Variants in PRAMEF12 observed in about 807,000 individuals in gnomAD.
PRAMEF12 encodes the protein PRAME family member 12.
A neutral mutation model predicts 24.6 loss-of-function variants in PRAMEF12; 24 were observed. The ratio of observed to expected loss-of-function variants is 0.98; its 90% CI spans 0.71 to 1.37. The LOEUF is 1.37. PRAMEF12 is among the 40% of genes most tolerant of loss of function. The pLI is 0.00. For missense variants in PRAMEF12, 646 were observed against 580.3 expected, an observed-to-expected ratio of 1.11 and a Z score of -1.16; for synonymous variants, 286 against 242.6, an observed-to-expected ratio of 1.18 and a Z score of -1.66.
rs377321269 is a variant in PRAMEF12 at position 12,777,347 on chromosome 1, C to A, written c.1200C>A (p.Thr400=). 6.2e-7 allele frequency: 1 copy of A among 1,613,554 alleles called. No individual in the cohort carries two copies. The highest frequency in any genetic ancestry group is 2.2e-5 in the East Asian group (1 of 44,872). ...CCCTGGAGAACCTGCTGCGCCACAC[C>A]GTCGGGCTGAGCAAGCTAAGCCTGG... ...MAALENLLRH[T]VGLSKLSLEL... Residue 400 remains threonine, a synonymous_variant, in exon 3 of 3, where the codon ACC becomes ACA. Transcript: ENST00000357726.
rs1639030825 is a variant in PRAMEF12, at chr1:12,775,159, G to A, written c.287+5G>A. On this transcript the variant is annotated splice_donor_5th_base_variant and intron_variant, in intron 1 of 2. Transcript: ENST00000357726. ...TGCCCAGAAGGTTCGCCCCAGGTGA[G>A]GTGACCCAGCTAACCAGGTGGGGAG... 1 of 1,604,032 alleles carries A rather than the reference G, an allele frequency of 6.2e-7. No individual in the cohort carries two copies. The highest frequency in any genetic ancestry group is 1.3e-5 in the African/African-American group (1 of 74,770).
intron 1 of PRAMEF12, 70 bp downstream of exon 1, chr1:12,775,224 A>T (rs1039118999): frequency 3.3e-6 from 5 of 1,508,600 alleles, no homozygotes; most frequent in Non-Finnish European, 2.7e-6. Context: ...GGTCAGAAGG[A>T]GTGGGAGGCC....
In PRAMEF12 at chr1:12,775,712, T is replaced by G; in HGVS notation, c.457T>G (p.Phe153Val). The G allele has an allele frequency of 6.2e-7, 1 of 1,613,848 alleles. No individual in the cohort carries two copies. Among genetic ancestry groups the G allele is most frequent in the Middle Eastern group, 1.6e-4 (1 of 6,062 alleles). ...CTTGATGGTGATCCTAGACCTTTGC[T>G]TCAAGAATGGGACGCTGGATGAATG... ...QPLMVILDLC[F>V]KNGTLDECLT... Residue 153 changes from phenylalanine (F) to valine (V), a missense_variant, in exon 2 of 3, where the codon TTC becomes GTC. By Grantham distance (50) the Phe-to-Val change is conservative. Transcript: ENST00000357726.
In PRAMEF12 at chr1:12,777,054, C is replaced by T. The variant is rs370297707; in HGVS notation, c.907C>T (p.Leu303=). ...GGAGACAGTCGTAATGACCGAATGC[C>T]TGCTGTCAGAGTCGGACCTGAAGCA... ...PLETVVMTEC[L]LSESDLKHLS... Residue 303 remains leucine (L), a synonymous_variant, in exon 3 of 3, where the codon CTG becomes TTG. Transcript: ENST00000357726. 3 of 1,613,898 alleles carry T rather than the reference C, an allele frequency of 1.9e-6. No homozygotes were observed. The highest frequency in any genetic ancestry group is 2.2e-5 in the South Asian group (2 of 91,064).
Position 12,777,829 on chromosome 1 carries a change from G to A in PRAMEF12, c.*230G>A. ...AATTGCTAGAATGAGAATCAGGTAG[G>A]AGAGACACATGAGACAGTTACCCCT... On this transcript the variant is annotated 3_prime_UTR_variant, in exon 3 of 3. Coordinates refer to ENST00000357726, the MANE Select transcript of PRAMEF12 (RefSeq NM_001080830.5). 1 of 588,720 alleles carries A rather than the reference G, an allele frequency of 1.7e-6. No homozygotes were observed. Among genetic ancestry groups the A allele is most frequent in the South Asian group, 2.1e-5 (1 of 48,496 alleles). The allele number at this position is 588,720 out of a possible 1,614,324, so 36.5% of individuals were successfully genotyped here. A position where few individuals can be genotyped will look rare whatever the true frequency, so the allele number is the denominator to read the frequency against.
Position 12,775,051 on chromosome 1 carries a change from ACCTGCCTT to A in PRAMEF12, c.188_195del (p.Cys63SerfsTer9). 6.2e-7 allele frequency: 1 copy of A among 1,614,084 alleles called. No individual in the cohort carries two copies. The highest frequency in any genetic ancestry group is 8.5e-7 in the Non-Finnish European group (1 of 1,180,006). ...AACTATGGTGCAGGCCTGGCCCTTCACCTGCCTTCCTCTAGGGTCCCTGATGAAGTCAT... is the reference window on the plus strand; with the variant it reads ...AACTATGGTGCAGGCCTGGCCCTTCACCTCTAGGGTCCCTGATGAAGTCAT... On this transcript the variant is annotated frameshift_variant, in exon 1 of 3. Coordinates refer to ENST00000357726, the MANE Select transcript of PRAMEF12 (RefSeq NM_001080830.5). LOFTEE classifies it high-confidence loss of function.
Position 12,776,032 on chromosome 1 carries a change from C to T in PRAMEF12, c.777C>T (p.Thr259=), listed in dbSNP as rs1394890541. The change falls in exon 2 of 3, where the codon ACC becomes ACT. Residue 259 remains threonine, a synonymous_variant. Transcript: ENST00000357726. The part of the protein sequence containing the change: ...DRKEQFVIQF[T]SQFLKLDYFQ... ...AGGAGCAGTTTGTCATCCAGTTCAC[C>T]TCTCAGTTCCTCAAGCTGGACTACT... 1.9e-6 allele frequency: 3 copies of T among 1,614,166 alleles called. No individual in the cohort carries two copies. The highest frequency in any genetic ancestry group is 2.2e-5 in the South Asian group (2 of 91,076).
rs752981517 is a variant in PRAMEF12 at position 12,777,887 on chromosome 1, A to G, written c.*288A>G. ...TGGTTGTAAAGAAACAGTCAGAAAT[A>G]AAGGGAAGCTGAGTGGAAACTGTCT... On this transcript the variant is annotated 3_prime_UTR_variant, in exon 3 of 3. Transcript: ENST00000357726. 9.5e-6 allele frequency: 4 copies of G among 419,494 alleles called. No homozygotes were observed. Among genetic ancestry groups the G allele is most frequent in the Non-Finnish European group, 1.7e-5 (4 of 233,872 alleles). 26.0% of individuals were successfully genotyped at this position (419,494 alleles called of 1,614,324 possible).
rs766701617 is a variant in PRAMEF12, at chr1:12,777,643, T to C, written c.*44T>C. On this transcript the variant is annotated 3_prime_UTR_variant, in exon 3 of 3. Coordinates refer to ENST00000357726, the MANE Select transcript of PRAMEF12 (RefSeq NM_001080830.5). ...TGGCAACTGAATCCTAGGCCATGAG[T>C]GTATGTCAAAGGGAGCACAGACCCA... The C allele has an allele frequency of 5.6e-6, 9 of 1,605,482 alleles. No individual in the cohort carries two copies. The South Asian group carries it at 8.8e-5, about 16-fold the overall frequency.
chr1:12,775,782 T>C lies in PRAMEF12; in HGVS notation c.527T>C (p.Leu176Pro). 13 of 1,613,846 alleles carry C rather than the reference T, an allele frequency of 8.1e-6. No individual in the cohort carries two copies. Among genetic ancestry groups the C allele is most frequent in the Non-Finnish European group, 1.1e-5 (13 of 1,179,986 alleles). The change falls in exon 2 of 3, where the codon CTG (leucine) becomes CCG (proline). Residue 176 changes from leucine (L) to proline (P), a missense_variant. Physicochemically the swap from Leu to Pro is moderately conservative, Grantham distance 98 (BLOSUM62 -3). Coordinates refer to ENST00000357726, the MANE Select transcript of PRAMEF12 (RefSeq NM_001080830.5). ...LEWGKQRKGLLHVCCKELQIF... is the reference protein window; with the variant it reads ...LEWGKQRKGLPHVCCKELQIF... ...TGGGGCAAGCAGAGAAAAGGCTTACTGCACGTGTGTTGCAAGGAGCTGCAG... is the reference window on the plus strand; with the variant it reads ...TGGGGCAAGCAGAGAAAAGGCTTACCGCACGTGTGTTGCAAGGAGCTGCAG...
rs112669352 is a variant in PRAMEF12, at chr1:12,774,693, C to T, written c.-175C>T. ...CTCTCCTCATTGTTTGGAAGACATT[C>T]TTTATGGTACCAGCAAGGGCAGAAT... is the stretch of plus-strand genomic sequence containing the variant. On this transcript the variant is annotated 5_prime_UTR_variant, in exon 1 of 3. Transcript: ENST00000357726. 1 of 620,268 alleles carries T rather than the reference C, an allele frequency of 1.6e-6. No individual in the cohort carries two copies. The highest frequency in any genetic ancestry group is 4.4e-4 in the Middle Eastern group (1 of 2,254). The allele number at this position is 620,268 out of a possible 1,614,324, so 38.4% of individuals were successfully genotyped here.
Position 12,777,047 on chromosome 1 carries a change from C to A in PRAMEF12, c.900C>A (p.Thr300=). Residue 300 remains threonine, a synonymous_variant, in exon 3 of 3, where the codon ACC becomes ACA. Coordinates refer to ENST00000357726, the MANE Select transcript of PRAMEF12 (RefSeq NM_001080830.5). ...LQAPLETVVM[T]ECLLSESDLK... is the part of the protein sequence containing the mutation. ...CCCCCTTGGAGACAGTCGTAATGAC[C>A]GAATGCCTGCTGTCAGAGTCGGACC... 6.2e-7 allele frequency: 1 copy of A among 1,613,790 alleles called. No individual in the cohort carries two copies. The highest frequency in any genetic ancestry group is 1.1e-5 in the South Asian group (1 of 91,042).
At chr1:12,775,247 A>G (rs1639032083) in intron 1 of PRAMEF12, 93 bp downstream of exon 1, 1 of 1,399,192 alleles carries the variant, frequency 7.1e-7, no homozygotes, top group Admixed American at 2.2e-5. Flanking sequence ...AGGGTGGCCC[A>G]GAGACTTCTG....
Position 12,776,073 on chromosome 1 carries a change from T to TCGAA in PRAMEF12, c.818_819insCGAA (p.Met273IlefsTer66). ...CTGGACTACTTCCAGAAGCTTTACA[T>TCGAA]GCACTCTGTCTCTTTCCTCGAAGGC... On this transcript the variant is annotated frameshift_variant, in exon 2 of 3. Coordinates refer to ENST00000357726, the MANE Select transcript of PRAMEF12 (RefSeq NM_001080830.5). LOFTEE classifies it low-confidence loss of function (END_TRUNC). The TCGAA allele has an allele frequency of 6.2e-7, 1 of 1,614,184 alleles. No homozygotes were observed. Among genetic ancestry groups the TCGAA allele is most frequent in the South Asian group, 1.1e-5 (1 of 91,084 alleles).
At position 12,776,236 on chromosome 1, in the gene PRAMEF12, A is replaced by G. The variant is rs983065370; in HGVS notation, c.863+118A>G. 1.3e-4 allele frequency: 139 copies of G among 1,057,692 alleles called. No individual in the cohort carries two copies. In the Admixed American group the frequency reaches 2.6e-3, roughly 20 times the overall value. 65.5% of individuals were successfully genotyped at this position (1,057,692 alleles called of 1,614,324 possible). Reference sequence around the variant, plus strand: ...GTGAGGAGGTAACAGCGAAGGGGACACTAGAATGTCCATGCATTGTCCTGT... The same window carrying G: ...GTGAGGAGGTAACAGCGAAGGGGACGCTAGAATGTCCATGCATTGTCCTGT... On this transcript the variant is annotated intron_variant, in intron 2 of 2. Coordinates refer to ENST00000357726, the MANE Select transcript of PRAMEF12 (RefSeq NM_001080830.5).
Position 12,777,200 on chromosome 1 carries a change from G to T in PRAMEF12, c.1053G>T (p.Gln351His). The change falls in exon 3 of 3, where the codon CAG becomes CAT. Residue 351 changes from glutamine (Q) to histidine (H), a missense_variant. Coordinates refer to ENST00000357726, the MANE Select transcript of PRAMEF12 (RefSeq NM_001080830.5). ...TGGAGCAAGCTGAGGCCACCCTGCA[G>T]ACCCTGGACTTAGAGGACTGTGGGA... ...VLLEQAEATL[Q>H]TLDLEDCGIV... The T allele has an allele frequency of 2.5e-6, 4 of 1,613,214 alleles. No homozygotes were observed. The highest frequency in any genetic ancestry group is 3.4e-6 in the Non-Finnish European group (4 of 1,180,016).
intron 2 of PRAMEF12, 109 bp downstream of exon 2, chr1:12,776,227 G>A (rs1639050122): frequency 7.9e-6 from 9 of 1,138,130 alleles, no homozygotes; most frequent in South Asian, 6.9e-5. Flanking sequence ...AGGTAACAGC[G>A]AAGGGGACAC....
At position 12,777,167 on chromosome 1, in the gene PRAMEF12, A is replaced by T; in HGVS notation, c.1020A>T (p.Ser340=). The change falls in exon 3 of 3, where the codon TCA becomes TCT. Residue 340 remains serine (S), a synonymous_variant. Coordinates refer to ENST00000357726, the MANE Select transcript of PRAMEF12 (RefSeq NM_001080830.5). ...TLTHFSPEPL[S]VLLEQAEATL... The stretch of plus-strand genomic sequence containing the variant: ...CCCATTTCAGTCCTGAGCCCCTCTC[A>T]GTTCTGCTGGAGCAAGCTGAGGCCA... The T allele has an allele frequency of 6.2e-7, 1 of 1,613,712 alleles. No homozygotes were observed. The highest frequency in any genetic ancestry group is 2.2e-5 in the East Asian group (1 of 44,880).
intron 2 of PRAMEF12, among the ~76,000 whole-genome samples, chr1:12,776,408 G>A (rs577494666): frequency 2.6e-5 from 4 of 152,212 alleles, no homozygotes; most frequent in South Asian, 4.2e-4. Flanking sequence ...AATTCCTCCC[G>A]AGGATGTGTG....
Sources: allele counts gnomAD v4.1 joint callset (sites outside exome capture counted in the v4.1 genomes callset), GRCh38; gene constraint gnomAD v4.1.1; transcripts MANE v1.5; gene names NCBI Gene and HGNC (gene_info 2026-07-23, HGNC 2026-07-21).